The following DPYD variants were observed in gnomAD, a reference collection of about 807,000 sequenced individuals.
DPYD encodes the protein dihydropyrimidine dehydrogenase [NADP(+)].
In DPYD, 109 loss-of-function variants were observed where a neutral mutation model predicts 116.2. That is an observed-to-expected ratio of 0.94 (90% CI 0.80 to 1.10). The LOEUF (loss-of-function observed/expected upper bound fraction) is 1.10. Among genes scored for constraint, DPYD ranks in the 50% least tolerant of loss-of-function variants. DPYD has a pLI of 0.00. For synonymous variants in DPYD, 440 were observed against 432.0 expected, an observed-to-expected ratio of 1.02 and a Z score of -0.23; for missense variants, 1,302 against 1,254.5, an observed-to-expected ratio of 1.04 and a Z score of -0.57.
chr1:97,466,909 T>C (rs1557731994), intron 13 of DPYD, among the ~76,000 whole-genome samples: 1 of 151,866 alleles, frequency 6.6e-6, no homozygotes. Flanking sequence ...GTTATTGAGA[T>C]AGAGAAAGAA....
rs564257257 is a variant in DPYD, at chr1:97,804,821, T to C, written c.233+23293A>G. 1.2e-4 allele frequency among the ~76,000 whole-genome samples: 19 copies of C among 152,002 alleles called. 1 individual carries two copies. In the South Asian group the frequency reaches 3.7e-3, roughly 30 times the overall value. On this transcript the variant is annotated intron_variant, in intron 3 of 22. Transcript: ENST00000370192. ...CTATTCTTTTGAGCATTGAACTGAGTTGACAGGACAAAGTTATCCTTAATT... is the reference window on the plus strand; with the variant it reads ...CTATTCTTTTGAGCATTGAACTGAGCTGACAGGACAAAGTTATCCTTAATT...
chr1:97,323,861 C>T (rs1214273446), intron 16 of DPYD, among the ~76,000 whole-genome samples: 1 of 151,502 alleles, frequency 6.6e-6, no homozygotes, highest in African/African-American at 2.4e-5. Context: ...TCATATGAAG[C>T]ATTGGTAGGA....
At chr1:97,759,260 A>G (rs1004458310) in intron 3 of DPYD, among the ~76,000 whole-genome samples, 4 of 152,132 alleles carry the variant, frequency 2.6e-5, no homozygotes, top group African/African-American at 7.2e-5. Context: ...TAAGAGCCCA[A>G]GGCATTTGTT....
At chr1:97,696,437 T>C (rs1306351779) in intron 6 of DPYD, among the ~76,000 whole-genome samples, 3 of 152,084 alleles carry the variant, frequency 2.0e-5, no homozygotes, top group Admixed American at 6.6e-5. Flanking sequence ...TGCATGTAGG[T>C]GATAATTGAA....
At chr1:97,101,302 A>C (rs1016989181) in intron 20 of DPYD, among the ~76,000 whole-genome samples, 2 of 151,942 alleles carry the variant, frequency 1.3e-5, no homozygotes, top group Non-Finnish European at 2.9e-5. Flanking sequence ...GTGCTTTAAA[A>C]AATATGTTGT....
intron 14 of DPYD, among the ~76,000 whole-genome samples, chr1:97,418,975 C>T (rs1243268618): frequency 2.6e-5 from 4 of 152,084 alleles, no homozygotes; most frequent in Admixed American, 6.5e-5. Context: ...TAAGAAAAGG[C>T]TCTTATAACC....
At chr1:97,733,463 T>C (rs1202964040) in intron 4 of DPYD, among the ~76,000 whole-genome samples, 1 of 152,008 alleles carries the variant, frequency 6.6e-6, no homozygotes, top group East Asian at 1.9e-4. Context: ...AAAAGTAGTG[T>C]CATACTATTC....
chr1:97,893,687 A>C (rs886564376), intron 1 of DPYD, among the ~76,000 whole-genome samples: 2 of 151,468 alleles, frequency 1.3e-5, no homozygotes, highest in African/African-American at 4.8e-5. Context: ...ATTTCTACTG[A>C]GCATATAGTT....
intron 3 of DPYD, among the ~76,000 whole-genome samples, chr1:97,796,511 T>C (rs1358231214): frequency 6.6e-6 from 1 of 152,070 alleles, no homozygotes; most frequent in Non-Finnish European, 1.5e-5. Context: ...GTTACATATA[T>C]GAGATGCCTT....
At chr1:97,816,049 A>AT (rs1171087335) in intron 3 of DPYD, among the ~76,000 whole-genome samples, 1 of 151,790 alleles carries the variant, frequency 6.6e-6, no homozygotes, top group African/African-American at 2.4e-5. Context: ...GAACATTTAC[A>AT]TTTTTAATTT....
chr1:97,783,206 GC>G (rs1666851404), intron 3 of DPYD, among the ~76,000 whole-genome samples: 3 of 152,146 alleles, frequency 2.0e-5, no homozygotes, highest in Non-Finnish European at 1.5e-5. Flanking sequence ...AGAACTCCAT[GC>G]CCTAGTTGTA....
chr1:97,281,931 G>A (rs1665348576), intron 18 of DPYD, among the ~76,000 whole-genome samples: 2 of 152,092 alleles, frequency 1.3e-5, no homozygotes, highest in South Asian at 2.1e-4. Flanking sequence ...GCTCACCATT[G>A]CTTCACTTTG....
chr1:97,683,375 A>G (rs1273809805), intron 7 of DPYD, among the ~76,000 whole-genome samples: 1 of 151,836 alleles, frequency 6.6e-6, no homozygotes, highest in Non-Finnish European at 1.5e-5. Flanking sequence ...ACAAGATGTT[A>G]TAAGAGGTTA....
At chr1:97,126,624 T>C (rs1246257642) in intron 20 of DPYD, among the ~76,000 whole-genome samples, 1 of 152,172 alleles carries the variant, frequency 6.6e-6, no homozygotes, top group Admixed American at 6.6e-5. Context: ...ACATCTGAGA[T>C]TAACTCATTC....
chr1:97,669,412 A>C (rs914653721), intron 8 of DPYD, among the ~76,000 whole-genome samples: 3 of 152,162 alleles, frequency 2.0e-5, no homozygotes, highest in African/African-American at 7.2e-5. Flanking sequence ...GAAATAGAAA[A>C]GTAATATAAC....
intron 8 of DPYD, among the ~76,000 whole-genome samples, chr1:97,648,409 T>C (rs574915559): frequency 6.6e-6 from 1 of 152,132 alleles, no homozygotes; most frequent in African/African-American, 2.4e-5. Flanking sequence ...ATCATCTCAA[T>C]AGATACTATG....
chr1:97,399,071 T>C (rs1456257359), intron 14 of DPYD, among the ~76,000 whole-genome samples: 1 of 152,324 alleles, frequency 6.6e-6, no homozygotes, highest in South Asian at 2.1e-4. Context: ...AGGGTTTTTA[T>C]GGTTTTAGGT....
chr1:97,365,634 A>AAATC lies in DPYD; in HGVS notation c.2058+7923_2058+7926dup, dbSNP rs199789639. 7.5e-3 allele frequency among the ~76,000 whole-genome samples: 1,144 copies of AAATC among 152,314 alleles called. 17 individuals carry two copies. Among genetic ancestry groups the AAATC allele is most frequent in the African/African-American group, 0.026 (1,092 of 41,578 alleles). On this transcript the variant is annotated intron_variant, in intron 16 of 22. Coordinates refer to ENST00000370192, the MANE Select transcript of DPYD (RefSeq NM_000110.4). ...ACAATAAAAACCAAGTAAGTTAAAA[A>AAATC]AATCCATAGTTAGCTGTTTTTCCTG...
chr1:97,279,493 ATTTGTTTG>A (rs111937508), intron 18 of DPYD, among the ~76,000 whole-genome samples: 200 of 151,052 alleles, frequency 1.3e-3, no homozygotes, highest in Non-Finnish European at 2.3e-3. Flanking sequence ...GGAGACAGAG[ATTTGTTTG>A]TTTGTTTGTT....
Sources: gnomAD v4.1 joint callset for allele counts (sites outside exome capture counted in the v4.1 genomes callset) on GRCh38, gnomAD v4.1.1 for gene constraint, MANE v1.5 for transcripts, NCBI Gene and HGNC (gene_info 2026-07-23, HGNC 2026-07-21) for gene names.